Variants in MYO1D observed in about 807,000 individuals in gnomAD.
MYO1D encodes unconventional myosin-Id.
A neutral mutation model predicts 122.0 loss-of-function variants in MYO1D; 83 were observed. The ratio of observed to expected loss-of-function variants is 0.68; its 90% CI spans 0.57 to 0.82. MYO1D has a LOEUF of 0.82. Ranked by LOEUF, MYO1D falls within the 40% of genes least tolerant of loss-of-function variation. The probability of loss-of-function intolerance (pLI) is 0.00; values close to 1 mark genes in which losing one functional copy is unlikely to be tolerated. For synonymous variants in MYO1D, 464 were observed against 446.9 expected (o/e 1.04, Z -0.48); for missense variants, 1,157 against 1,269.5 (o/e 0.91, Z 1.35).
chr17:32,523,017 A>G (rs145884108), intron 21 of MYO1D, among the ~76,000 whole-genome samples: 2,415 of 152,212 alleles, frequency 0.016, 30 homozygotes, highest in East Asian at 0.034. Context: ...GGGTTTCACC[A>G]TGTTAGCCAG....
intron 16 of MYO1D, among the ~76,000 whole-genome samples, chr17:32,709,681 T>C (rs321181): frequency 0.45 from 68,823 of 151,854 alleles, 15,942 homozygotes; most frequent in East Asian, 0.73. Flanking sequence ...AAACCAACAC[T>C]TAGAAACATC....
At chr17:32,874,071 T>C (rs2091206074) in intron 1 of MYO1D, among the ~76,000 whole-genome samples, 1 of 152,148 alleles carries the variant, frequency 6.6e-6, no homozygotes, top group African/African-American at 2.4e-5. Context: ...GAGTCCACCT[T>C]TACAAATCCT....
intron 1 of MYO1D, among the ~76,000 whole-genome samples, chr17:32,860,528 G>A (rs140482116): frequency 6.6e-6 from 1 of 152,116 alleles, no homozygotes; most frequent in Non-Finnish European, 1.5e-5. Context: ...TATTTGTATT[G>A]TTAAATTGTT....
At chr17:32,861,533 TA>T (rs1180607042) in intron 1 of MYO1D, among the ~76,000 whole-genome samples, 1 of 152,136 alleles carries the variant, frequency 6.6e-6, no homozygotes, top group Non-Finnish European at 1.5e-5. Context: ...CACCCTGATG[TA>T]AAGCCCTTCA....
At chr17:32,737,742 A>G (rs1481346298) in intron 14 of MYO1D, among the ~76,000 whole-genome samples, 1 of 152,242 alleles carries the variant, frequency 6.6e-6, no homozygotes, top group Non-Finnish European at 1.5e-5. Context: ...CTGGGATTAC[A>G]GGCATAAGCC....
At chr17:32,585,220 T>G (rs1411138460) in intron 21 of MYO1D, among the ~76,000 whole-genome samples, 4 of 152,204 alleles carry the variant, frequency 2.6e-5, no homozygotes, top group African/African-American at 4.8e-5. Context: ...TCCTTTTCTA[T>G]TTTATATCTA....
chr17:32,805,180 G>A (rs376826821), intron 1 of MYO1D, among the ~76,000 whole-genome samples: 1 of 152,146 alleles, frequency 6.6e-6, no homozygotes, highest in South Asian at 2.1e-4. Flanking sequence ...GATCCCAACA[G>A]ACACCAAATC....
At chr17:32,587,063 A>T (rs2087393046) in intron 21 of MYO1D, among the ~76,000 whole-genome samples, 1 of 152,212 alleles carries the variant, frequency 6.6e-6, no homozygotes, top group African/African-American at 2.4e-5. Flanking sequence ...TACCCTTGTA[A>T]CAACAAGCAG....
chr17:32,545,490 C>T (rs999404079), intron 21 of MYO1D, among the ~76,000 whole-genome samples: 2 of 152,102 alleles, frequency 1.3e-5, no homozygotes, highest in African/African-American at 2.4e-5. Context: ...GGGAAAGGAA[C>T]GTGAGAGGAG....
intron 1 of MYO1D, among the ~76,000 whole-genome samples, chr17:32,830,672 CA>C (rs1402919201): frequency 6.6e-6 from 1 of 152,056 alleles, no homozygotes; most frequent in Non-Finnish European, 1.5e-5. Flanking sequence ...CAGATAAACA[CA>C]AAATATTAAG....
chr17:32,828,211 C>T (rs141677220), intron 1 of MYO1D, among the ~76,000 whole-genome samples: 22 of 152,202 alleles, frequency 1.4e-4, no homozygotes, highest in Middle Eastern at 3.4e-3. Flanking sequence ...TGTTTTCTCC[C>T]GTGCTATCAG....
chr17:32,629,934 A>G (rs577796123), intron 20 of MYO1D, among the ~76,000 whole-genome samples: 1 of 152,194 alleles, frequency 6.6e-6, no homozygotes, highest in Non-Finnish European at 1.5e-5. Context: ...GATACTGGAA[A>G]TGAACAATTA....
chr17:32,789,216 C>T (rs2090326976), intron 1 of MYO1D, among the ~76,000 whole-genome samples: 1 of 152,128 alleles, frequency 6.6e-6, no homozygotes, highest in Non-Finnish European at 1.5e-5. Context: ...TGGTGAACAG[C>T]AACAGTTCAA....
intron 16 of MYO1D, among the ~76,000 whole-genome samples, chr17:32,707,516 G>A (rs1056076912): frequency 6.6e-6 from 1 of 151,806 alleles, no homozygotes; most frequent in Non-Finnish European, 1.5e-5. Flanking sequence ...CAGTATGGAA[G>A]GCTACATGTA....
intron 21 of MYO1D, among the ~76,000 whole-genome samples, chr17:32,508,808 G>C (rs1239777446): frequency 6.6e-6 from 1 of 152,192 alleles, no homozygotes; most frequent in African/African-American, 2.4e-5. Context: ...CATAGTCCAA[G>C]TCTTAACCTC....
intron 1 of MYO1D, among the ~76,000 whole-genome samples, chr17:32,792,193 C>T (rs1273090490): frequency 6.6e-6 from 1 of 152,092 alleles, no homozygotes; most frequent in Non-Finnish European, 1.5e-5. Flanking sequence ...CTGTAGAACG[C>T]ACATCTAGAA....
At chr17:32,568,289 C>CA (rs1413345215) in intron 21 of MYO1D, among the ~76,000 whole-genome samples, 2 of 151,398 alleles carry the variant, frequency 1.3e-5, no homozygotes, top group African/African-American at 2.4e-5. Flanking sequence ...TGACACAGTT[C>CA]AAAAAATTGT....
At position 32,765,060 on chromosome 17, in the gene MYO1D, C is replaced by G; in HGVS notation, c.853G>C (p.Asp285His). 6.2e-7 allele frequency: 1 copy of G among 1,612,862 alleles called. No individual in the cohort carries two copies. Among genetic ancestry groups the G allele is most frequent in the Non-Finnish European group, 8.5e-7 (1 of 1,179,224 alleles). Residue 285 changes from aspartate (D) to histidine (H), a missense_variant, in exon 8 of 22, where the codon GAT becomes CAT. Physicochemically the swap from Asp to His is moderately conservative, Grantham distance 81 (BLOSUM62 -1). Transcript: ENST00000318217. ...LHLGNLKFVV[D>H]GDTPLIENGK... ...TTCTCAATAAGAGGCGTGTCACCAT[C>G]TACTACAAATTTTAAATTTCCCTGT...
chr17:32,608,018 T>G (rs1256550040), intron 20 of MYO1D, among the ~76,000 whole-genome samples: 1 of 152,206 alleles, frequency 6.6e-6, no homozygotes. Flanking sequence ...ATGCAAAATG[T>G]AAAACTAGAA....
Sources: gnomAD v4.1 joint callset for allele counts (sites outside exome capture counted in the v4.1 genomes callset) on GRCh38, gnomAD v4.1.1 for gene constraint, MANE v1.5 for transcripts, NCBI Gene and HGNC (gene_info 2026-07-23, HGNC 2026-07-21) for gene names.